Variants in RRP1B observed in about 807,000 individuals in gnomAD.
The protein encoded by RRP1B is ribosomal RNA processing 1B.
Under a neutral mutation model 80.2 loss-of-function variants are expected in RRP1B, and 56 were observed. The ratio of observed to expected loss-of-function variants is 0.70; its 90% confidence interval spans 0.56 to 0.87. The LOEUF (loss-of-function observed/expected upper bound fraction) is 0.87. Ranked by LOEUF, RRP1B falls within the 40% of genes least tolerant of loss-of-function variation. RRP1B has a pLI of 0.00. For missense variants in RRP1B, 807 were observed against 939.8 expected, an observed-to-expected ratio of 0.86 and a Z score of 1.85; for synonymous variants, 351 against 357.6, an observed-to-expected ratio of 0.98 and a Z score of 0.21.
At position 43,676,907 on chromosome 21, in the gene RRP1B, G is replaced by A. The variant is rs778390524; in HGVS notation, c.789G>A (p.Lys263=). The A allele has an allele frequency of 3.1e-6, 5 of 1,613,998 alleles. No homozygotes were observed. In the East Asian group the frequency reaches 8.9e-5, roughly 29 times the overall value. ...CCTTGAGAAGAGCTGTCAGTAAAAA[G>A]AAGACAGGTAGGAGGATGTTCTTGG... ...EVSLRRAVSK[K]KTALGKNHSR... is the part of the protein sequence containing the mutation. The change falls in exon 8 of 16, where the codon AAG becomes AAA. Residue 263 remains lysine, a synonymous_variant. Transcript: ENST00000340648.
At chr21:43,678,134 T>C (rs2083029535) in intron 8 of RRP1B, among the ~76,000 whole-genome samples, 3 of 152,188 alleles carry the variant, frequency 2.0e-5, no homozygotes, top group Admixed American at 2.0e-4. Flanking sequence ...AGTGTAGAAG[T>C]CTTCCCTGTT....
intron 1 of RRP1B, among the ~76,000 whole-genome samples, chr21:43,663,492 T>A (rs74418245): frequency 6.6e-6 from 1 of 151,734 alleles, no homozygotes; most frequent in African/African-American, 2.4e-5. Context: ...CCTGACCTCA[T>A]GATCCGCCCG....
intron 1 of RRP1B, among the ~76,000 whole-genome samples, chr21:43,662,465 A>G (rs1361669915): frequency 6.6e-6 from 1 of 152,230 alleles, no homozygotes; most frequent in Non-Finnish European, 1.5e-5. Flanking sequence ...AAGTTTGGAA[A>G]TAACTTGGCC....
chr21:43,687,439 A>G (rs1264763712), intron 12 of RRP1B, 77 bp from the exon 13 acceptor site: 5 of 1,417,454 alleles, frequency 3.5e-6, no homozygotes, highest in Non-Finnish European at 4.6e-6. Context: ...TCCGCCAGTC[A>G]TACTGTCTGA....
At chr21:43,682,628 C>T (rs1267865171) in intron 8 of RRP1B, among the ~76,000 whole-genome samples, 2 of 152,214 alleles carry the variant, frequency 1.3e-5, no homozygotes, top group Non-Finnish European at 2.9e-5. Flanking sequence ...AGGGCGATGC[C>T]GTGTCCCATC....
rs2083093225 is a variant in RRP1B at position 43,693,024 on chromosome 21, C to T, written c.2084-166C>T. On this transcript the variant is annotated intron_variant, in intron 15 of 15. Coordinates refer to ENST00000340648, the MANE Select transcript of RRP1B (RefSeq NM_015056.3). This position sits in a 1 kb window ranked among gnomAD's most constrained non-coding sequence, Gnocchi z 4.1. ...CATGGGATGTGGCCTCACTGCCCTCCTTTCCTCAGAAGGCTCTTGGGCCTG... is the reference window on the plus strand; with the variant it reads ...CATGGGATGTGGCCTCACTGCCCTCTTTTCCTCAGAAGGCTCTTGGGCCTG... Among the ~76,000 whole-genome samples, 1 of 152,168 alleles carries T rather than the reference C, an allele frequency of 6.6e-6. No homozygotes were observed. Among genetic ancestry groups the T allele is most frequent in the African/African-American group, 2.4e-5 (1 of 41,442 alleles).
chr21:43,659,676 C>T lies in RRP1B; in HGVS notation c.12C>T (p.Ala4=), dbSNP rs200774372. MAP[A]MQPAEIQFAQ... Reference sequence around the variant, plus strand: ...CTCCAGCGGGCGCGATGGCCCCCGCCATGCAGCCGGCCGAGATCCAATTTG... The same window carrying T: ...CTCCAGCGGGCGCGATGGCCCCCGCTATGCAGCCGGCCGAGATCCAATTTG... The change falls in exon 1 of 16, where the codon GCC becomes GCT. Residue 4 remains alanine, a synonymous_variant. Transcript: ENST00000340648. The surrounding 1 kb of genome is among the most constrained non-coding windows in gnomAD (Gnocchi z 4.2). 0.014 allele frequency: 20,658 copies of T among 1,514,250 alleles called. 186 individuals carry two copies. Among genetic ancestry groups the T allele is most frequent in the Non-Finnish European group, 0.015 (17,188 of 1,130,470 alleles). 93.8% of individuals were successfully genotyped at this position (1,514,250 alleles called of 1,614,324 possible).
At chr21:43,685,659 T>C in intron 10 of RRP1B, 111 bp from the exon 11 acceptor site, 6 of 779,884 alleles carry the variant, frequency 7.7e-6, no homozygotes, top group Non-Finnish European at 1.1e-5. Flanking sequence ...ACTATTTAAC[T>C]ATGGCTTGTA....
Position 43,671,154 on chromosome 21 carries a change from G to C in RRP1B, c.214-1154G>C, listed in dbSNP as rs73367898. Among the ~76,000 whole-genome samples the C allele has an allele frequency of 7.9e-3, 1,202 of 152,190 alleles. 12 individuals are homozygous for C. The highest frequency in any genetic ancestry group is 0.026 in the African/African-American group (1,085 of 41,516). On this transcript the variant is annotated intron_variant, in intron 2 of 15. Transcript: ENST00000340648. Reference sequence around the variant, plus strand: ...GGCGTCTCCCCAGAGTGAGCCTGCTGCACCTCAGCAGGGCATGCTCTCTCA... The same window carrying C: ...GGCGTCTCCCCAGAGTGAGCCTGCTCCACCTCAGCAGGGCATGCTCTCTCA...
At position 43,669,942 on chromosome 21, in the gene RRP1B, G is replaced by A. The variant is rs1353304390; in HGVS notation, c.189G>A (p.Trp63Ter). 4 of 1,611,730 alleles carry A rather than the reference G, an allele frequency of 2.5e-6. No homozygotes were observed. Among genetic ancestry groups the A allele is most frequent in the Non-Finnish European group, 3.4e-6 (4 of 1,178,186 alleles). Reference sequence around the variant, plus strand: ...GGAAGGGGCTCTTCTACTGCATGTGGGTGCAGGATGAACCCCTTCTACAGG... The same window carrying A: ...GGAAGGGGCTCTTCTACTGCATGTGAGTGCAGGATGAACCCCTTCTACAGG... Reference protein sequence around the residue: ...KIWKGLFYCMWVQDEPLLQEE... With the variant: ...KIWKGLFYCM The change falls in exon 2 of 16, where the codon TGG (tryptophan) becomes TGA (stop). Residue 63 changes from tryptophan to a stop codon, truncating the protein, a stop_gained. Coordinates refer to ENST00000340648, the MANE Select transcript of RRP1B (RefSeq NM_015056.3). LOFTEE classifies it high-confidence loss of function.
intron 1 of RRP1B, among the ~76,000 whole-genome samples, chr21:43,665,017 A>T (rs2082973136): frequency 6.6e-6 from 1 of 152,222 alleles, no homozygotes. Flanking sequence ...TTACTCACCC[A>T]GCCCACTTTG....
At position 43,686,890 on chromosome 21, in the gene RRP1B, A is replaced by G; in HGVS notation, c.1096A>G (p.Lys366Glu). The change falls in exon 12 of 16, where the codon AAA becomes GAA. Residue 366 changes from lysine to glutamate, a missense_variant. Coordinates refer to ENST00000340648, the MANE Select transcript of RRP1B (RefSeq NM_015056.3). ...CCTCAGTCAAGGAAAGCATAAGAAG[A>G]AAGGAAATAAACTTTTAGAGAAAAC... ...QILSQGKHKK[K>E]GNKLLEKTNL... is the part of the protein sequence containing the mutation. 6.2e-7 allele frequency: 1 copy of G among 1,614,038 alleles called. No individual in the cohort carries two copies. The highest frequency in any genetic ancestry group is 8.5e-7 in the Non-Finnish European group (1 of 1,179,956).
At chr21:43,676,638 A>G in intron 7 of RRP1B, 95 bp from the exon 8 acceptor site, 1 of 1,197,726 alleles carries the variant, frequency 8.3e-7, no homozygotes, top group African/African-American at 1.5e-5. Flanking sequence ...TCCAGACCAC[A>G]GCAACGTGTG....
At chr21:43,681,015 G>A (rs1004750741) in intron 8 of RRP1B, among the ~76,000 whole-genome samples, 33 of 152,244 alleles carry the variant, frequency 2.2e-4, no homozygotes, top group African/African-American at 6.5e-4. Context: ...CCAGGCAGTC[G>A]GATAACTTGA....
intron 8 of RRP1B, among the ~76,000 whole-genome samples, chr21:43,682,669 C>T (rs148515554): frequency 2.5e-3 from 387 of 152,320 alleles, no homozygotes; most frequent in Non-Finnish European, 4.8e-3. Flanking sequence ...CAGGAGCTTC[C>T]CATGCACCGC....
In RRP1B at chr21:43,660,510, C is replaced by G. The variant is rs532333543; in HGVS notation, c.130+716C>G. On this transcript the variant is annotated intron_variant, in intron 1 of 15. Coordinates refer to ENST00000340648, the MANE Select transcript of RRP1B (RefSeq NM_015056.3). The stretch of plus-strand genomic sequence containing the variant: ...CTGGGAGGCGGAGGTTGCGGTGAGC[C>G]GAGATCGCAGCATTGCACTCCGGCC... Among the ~76,000 whole-genome samples the G allele has an allele frequency of 6.5e-4, 99 of 152,026 alleles. 1 individual carries two copies. The highest frequency in any genetic ancestry group is 7.8e-4 in the Non-Finnish European group (53 of 68,006).
In RRP1B at chr21:43,695,558, G is replaced by A. The variant is rs2083104148; in HGVS notation, c.*2175G>A. ...ACAGTCCCTTATTTTTAATGCCTAA[G>A]TTTTGACAGCAGGAAGAAAACAATT... On this transcript the variant is annotated 3_prime_UTR_variant, in exon 16 of 16. Transcript: ENST00000340648. The A allele has an allele frequency of 1.3e-5, 2 of 152,172 alleles. No individual in the cohort carries two copies. The highest frequency in any genetic ancestry group is 4.8e-5 in the African/African-American group (2 of 41,446). The allele number at this position is 152,172 out of a possible 1,614,324, so 9.4% of individuals were successfully genotyped here.
intron 2 of RRP1B, among the ~76,000 whole-genome samples, chr21:43,670,558 G>A (rs1332522263): frequency 6.6e-6 from 1 of 152,256 alleles, no homozygotes; most frequent in African/African-American, 2.4e-5. Flanking sequence ...CATGAAAGTA[G>A]ATCCGATCTG....
intron 7 of RRP1B, 44 bp downstream of exon 7, chr21:43,676,380 C>T: frequency 6.8e-7 from 1 of 1,461,274 alleles, no homozygotes; most frequent in Non-Finnish European, 9.6e-7. Flanking sequence ...GTGGCATTTG[C>T]TCATGGGAGT....
Sources: allele counts gnomAD v4.1 joint callset (sites outside exome capture counted in the v4.1 genomes callset), GRCh38; gene constraint gnomAD v4.1.1; non-coding constraint Gnocchi (gnomAD v3.1); transcripts MANE v1.5; gene names NCBI Gene and HGNC (gene_info 2026-07-23, HGNC 2026-07-21).